ARPIN: variants seen among roughly 807,000 people sequenced by gnomAD.
ARPIN encodes the protein UPF0552 protein C15orf38.
Under a neutral mutation model 25.9 loss-of-function variants are expected in ARPIN, and 23 were observed. The observed-to-expected ratio is 0.89, with a 90% CI of 0.64 to 1.26. The LOEUF (loss-of-function observed/expected upper bound fraction) is 1.26. Ranked by LOEUF, ARPIN falls within the 50% of genes most tolerant of loss-of-function variation. ARPIN has a pLI of 0.00. For missense variants in ARPIN, 333 were observed against 312.2 expected, an observed-to-expected ratio of 1.07 and a Z score of -0.50; for synonymous variants, 126 against 131.4, an observed-to-expected ratio of 0.96 and a Z score of 0.28.
intron 2 of ARPIN, among the ~76,000 whole-genome samples, chr15:89,909,408 T>C (rs956376583): frequency 1.3e-5 from 2 of 152,098 alleles, no homozygotes; most frequent in African/African-American, 4.8e-5. Flanking sequence ...GTAGGAATAA[T>C]ATTAAAAGCC....
intron 4 of ARPIN, 23 bp from the exon 5 acceptor site, chr15:89,903,402 A>G (rs1025737990): frequency 1.9e-6 from 3 of 1,613,946 alleles, no homozygotes; most frequent in Non-Finnish European, 2.5e-6. Context: ...ATGAAATTGA[A>G]TGTCCTCTGT....
At chr15:89,909,447 A>G (rs1897185205) in intron 2 of ARPIN, among the ~76,000 whole-genome samples, 1 of 152,218 alleles carries the variant, frequency 6.6e-6, no homozygotes. Flanking sequence ...AAAAGCCAAG[A>G]GGCCCTTGTG....
chr15:89,912,662 A>AGGGGCC, intron 1 of ARPIN, 82 bp downstream of exon 1: 1 of 661,662 alleles, frequency 1.5e-6, no homozygotes, highest in Non-Finnish European at 1.9e-6. Flanking sequence ...CCCCACCCGC[A>AGGGGCC]TCCCACCCCC....
Position 89,900,116 on chromosome 15 carries a change from C to G in ARPIN, c.*1679G>C, listed in dbSNP as rs1896994754. On this transcript the variant is annotated 3_prime_UTR_variant, in exon 6 of 6. Transcript: ENST00000357484. ...CCAGTCAGTGTCCCCAGCTATCCTT[C>G]TGCTCAACCACCTCCCTGGCCACCC... The G allele has an allele frequency of 6.6e-6, 1 of 152,426 alleles. No homozygotes were observed. The highest frequency in any genetic ancestry group is 2.4e-5 in the African/African-American group (1 of 41,456). The allele number at this position is 152,426 out of a possible 1,614,324, so 9.4% of individuals were successfully genotyped here.
rs56208607 is a variant in ARPIN, at chr15:89,907,057, GTAT to G, written c.301+1220_301+1222del. Among the ~76,000 whole-genome samples, 17 of 149,364 alleles carry G rather than the reference GTAT, an allele frequency of 1.1e-4. 1 individual carries two copies. In the South Asian group the frequency reaches 2.1e-3, roughly 19 times the overall value. ...CTAGAAGTAAAGTGGCCATCAAAAA[GTAT>G]TATTATTATTATTACTATTTTTTTT... is the stretch of plus-strand genomic sequence containing the variant. On this transcript the variant is annotated intron_variant, in intron 3 of 5. Coordinates refer to ENST00000357484, the MANE Select transcript of ARPIN (RefSeq NM_182616.4).
At position 89,912,857 on chromosome 15, in the gene ARPIN, C is replaced by G. The variant is rs1218308654; in HGVS notation, c.-22G>C. 7 of 1,514,174 alleles carry G rather than the reference C, an allele frequency of 4.6e-6. No homozygotes were observed. In the East Asian group the frequency reaches 1.4e-4, roughly 29 times the overall value. 93.8% of individuals were successfully genotyped at this position (1,514,174 alleles called of 1,614,324 possible). A position where few individuals can be genotyped will look rare whatever the true frequency, so the allele number is the denominator to read the frequency against. ...TCATTCTCCCGACCGCCCGGGCACC[C>G]CGGCACAGAGCCGGCGCACTGGGCT... is the stretch of plus-strand genomic sequence containing the variant. On this transcript the variant is annotated 5_prime_UTR_variant, in exon 1 of 6. Coordinates refer to ENST00000357484, the MANE Select transcript of ARPIN (RefSeq NM_182616.4).
intron 1 of ARPIN, chr15:89,912,400 G>A (rs1269001811): frequency 5.5e-6 from 6 of 1,098,434 alleles, no homozygotes; most frequent in Non-Finnish European, 4.4e-6. Flanking sequence ...TGCAAAAGCA[G>A]CGCGGCAAGT....
Position 89,910,775 on chromosome 15 carries a change from C to A in ARPIN, c.137G>T (p.Arg46Leu). ...LLEGELIDVS[R>L]HSILDTHGRK... ...GCCATGAGTGTCCAAGATGCTGTGC[C>A]GAGATACATCGATCAGTTCTCCCTC... The change falls in exon 2 of 6, where the codon CGG becomes CTG. Residue 46 changes from arginine to leucine, a missense_variant. By Grantham distance (102) the Arg-to-Leu change is moderately radical (BLOSUM62 -2). Coordinates refer to ENST00000357484, the MANE Select transcript of ARPIN (RefSeq NM_182616.4). The A allele has an allele frequency of 6.2e-7, 1 of 1,614,164 alleles. No individual in the cohort carries two copies. Among genetic ancestry groups the A allele is most frequent in the Non-Finnish European group, 8.5e-7 (1 of 1,180,022 alleles).
intron 1 of ARPIN, 81 bp downstream of exon 1, chr15:89,912,663 T>TTGGCGCC: frequency 1.1e-6 from 1 of 871,106 alleles, no homozygotes; most frequent in Non-Finnish European, 1.4e-6. Flanking sequence ...CCCACCCGCA[T>TTGGCGCC]CCCACCCCCC....
At chr15:89,907,581 G>A (rs1270432526) in intron 3 of ARPIN, among the ~76,000 whole-genome samples, 3 of 152,082 alleles carry the variant, frequency 2.0e-5, no homozygotes, top group Admixed American at 6.6e-5. Flanking sequence ...AGCCCTCACC[G>A]GACACTGAAT....
In ARPIN at chr15:89,903,340, C is replaced by T. The variant is rs767992141; in HGVS notation, c.548G>A (p.Cys183Tyr). The T allele has an allele frequency of 8.1e-6, 13 of 1,614,098 alleles. No homozygotes were observed. The East Asian group carries it at 2.4e-4, about 30-fold the overall frequency. Reference sequence around the variant, plus strand: ...TGTCTTTCCATCACCAGTGAAATTACACTTGGTCACTGTTCCAGCCTCAAG... The same window carrying T: ...TGTCTTTCCATCACCAGTGAAATTATACTTGGTCACTGTTCCAGCCTCAAG... ...AKLEAGTVTK[C>Y]NFTGDGKTGA... Residue 183 changes from cysteine (C) to tyrosine (Y), a missense_variant, in exon 5 of 6, where the codon TGT becomes TAT. By Grantham distance (194) the Cys-to-Tyr change is radical. Transcript: ENST00000357484.
At chr15:89,907,057 G>GTATTAT (rs56208607) in intron 3 of ARPIN, among the ~76,000 whole-genome samples, 111,096 of 149,222 alleles carry the variant, frequency 0.74, 41,464 homozygotes, top group East Asian at 0.8. Context: ...CCATCAAAAA[G>GTATTAT]TATTATTATT....
chr15:89,912,663 T>TTTGG lies in ARPIN; in HGVS notation c.92+80_92+81insCCAA. 15 of 870,848 alleles carry TTTGG rather than the reference T, an allele frequency of 1.7e-5. No individual in the cohort carries two copies. In the East Asian group the frequency reaches 4.0e-4, roughly 23 times the overall value. The allele number at this position is 870,848 out of a possible 1,614,324, so 53.9% of individuals were successfully genotyped here. A position where few individuals can be genotyped will look rare whatever the true frequency, so the allele number is the denominator to read the frequency against. On this transcript the variant is annotated intron_variant, in intron 1 of 5. Transcript: ENST00000357484. ...CAACCCCAGTTTTCCCCCACCCGCA[T>TTTGG]CCCACCCCCCCACCCGATCCTGTTG...
rs894961667 is a variant in ARPIN at position 89,896,210 on chromosome 15, A to G, written c.*5585T>C. ...GGCATGGCCCAGTTTTTAAATAAAT[A>G]AAAACCAAAAGTCAGTTGCACTGAA... On this transcript the variant is annotated 3_prime_UTR_variant, in exon 6 of 6. Coordinates refer to ENST00000357484, the MANE Select transcript of ARPIN (RefSeq NM_182616.4). 6.6e-6 allele frequency: 1 copy of G among 152,174 alleles called. No individual in the cohort carries two copies. The highest frequency in any genetic ancestry group is 2.4e-5 in the African/African-American group (1 of 41,454). 9.4% of individuals were successfully genotyped at this position (152,174 alleles called of 1,614,324 possible).
At chr15:89,901,968 G>A (rs1897028822) in intron 5 of ARPIN, among the ~76,000 whole-genome samples, 165 bp from the exon 6 acceptor site, 1 of 152,190 alleles carries the variant, frequency 6.6e-6, no homozygotes, top group African/African-American at 2.4e-5. Context: ...ACAGCTCTTG[G>A]ACTGTTTTTC....
chr15:89,912,662 A>AGGGGGGCCC, intron 1 of ARPIN, 82 bp downstream of exon 1: 4 of 661,658 alleles, frequency 6.0e-6, no homozygotes, highest in Non-Finnish European at 5.8e-6. Flanking sequence ...CCCCACCCGC[A>AGGGGGGCCC]TCCCACCCCC....
At chr15:89,911,212 T>C (rs1057299712) in intron 1 of ARPIN, among the ~76,000 whole-genome samples, 5 of 152,236 alleles carry the variant, frequency 3.3e-5, no homozygotes, top group Non-Finnish European at 7.3e-5. Context: ...TACTTTTTTA[T>C]TGGTCCAAAT....
chr15:89,901,695 T>G lies in ARPIN; in HGVS notation c.*100A>C, dbSNP rs921210269. 4 of 1,446,110 alleles carry G rather than the reference T, an allele frequency of 2.8e-6. No individual in the cohort carries two copies. The highest frequency in any genetic ancestry group is 3.5e-5 in the Admixed American group (2 of 56,706). The allele number at this position is 1,446,110 out of a possible 1,614,324, so 89.6% of individuals were successfully genotyped here. On this transcript the variant is annotated 3_prime_UTR_variant, in exon 6 of 6. Transcript: ENST00000357484. ...GCTATGGGGAAGAACCAGGTAAGAC[T>G]TGGCAGACTGTTCTCTCCAGCTCCA...
At chr15:89,912,571 C>CGCGGCGGCAGGGGCGCCGGGA (rs1897244424) in intron 1 of ARPIN, 173 bp downstream of exon 1, 2 of 1,347,756 alleles carry the variant, frequency 1.5e-6, no homozygotes, top group Admixed American at 4.1e-5. Flanking sequence ...GCTGGGCGGG[C>CGCGGCGGCAGGGGCGCCGGGA]GCGGCGGCAG....
Sources: gnomAD v4.1 joint callset for allele counts (sites outside exome capture counted in the v4.1 genomes callset) on GRCh38, gnomAD v4.1.1 for gene constraint, MANE v1.5 for transcripts, NCBI Gene and HGNC (gene_info 2026-07-23, HGNC 2026-07-21) for gene names.